Variants in PLXDC2 observed in about 807,000 individuals in gnomAD.
The protein encoded by PLXDC2 is plexin domain-containing protein 2.
A neutral mutation model predicts 68.9 loss-of-function variants in PLXDC2; 40 were observed. The ratio of observed to expected loss-of-function variants is 0.58; its 90% confidence interval spans 0.45 to 0.76. PLXDC2 has a LOEUF of 0.76. Among genes scored for constraint, PLXDC2 ranks in the 30% least tolerant of loss-of-function variants. PLXDC2 has a pLI of 0.00. For synonymous variants in PLXDC2, 243 were observed against 234.2 expected (o/e 1.04, Z -0.34); for missense variants, 644 against 661.9 (o/e 0.97, Z 0.30).
At chr10:19,884,112 G>A (rs1837795189) in intron 1 of PLXDC2, among the ~76,000 whole-genome samples, 2 of 150,938 alleles carry the variant, frequency 1.3e-5, no homozygotes, top group South Asian at 4.2e-4. Context: ...GGCCAGGCTG[G>A]TTTCAAACTC....
chr10:19,980,172 C>T (rs967191200), intron 1 of PLXDC2, among the ~76,000 whole-genome samples: 2 of 152,028 alleles, frequency 1.3e-5, no homozygotes, highest in Admixed American at 1.3e-4. Context: ...TTTTTAATAG[C>T]AAGATGTTCT....
intron 3 of PLXDC2, 49 bp from the exon 4 acceptor site, chr10:20,068,121 G>T (rs7911756): frequency 0.16 from 232,075 of 1,472,834 alleles, 26,979 homozygotes; most frequent in East Asian, 0.59. Context: ...ATTTCACATT[G>T]ACTATGCTAC....
intron 7 of PLXDC2, among the ~76,000 whole-genome samples, chr10:20,167,695 C>T (rs1834393098): frequency 6.6e-6 from 1 of 152,030 alleles, no homozygotes; most frequent in Non-Finnish European, 1.5e-5. Context: ...TTCTATTAAT[C>T]ATTTTAGTTA....
chr10:19,949,138 A>AAG (rs1327934055), intron 1 of PLXDC2, among the ~76,000 whole-genome samples: 1 of 151,462 alleles, frequency 6.6e-6, no homozygotes, highest in Non-Finnish European at 1.5e-5. Flanking sequence ...AAAAAAAAAA[A>AAG]AAAAAAAAAG....
intron 1 of PLXDC2, among the ~76,000 whole-genome samples, chr10:19,828,977 CCT>C (rs774435693): frequency 3.3e-5 from 5 of 152,040 alleles, no homozygotes; most frequent in Non-Finnish European, 7.4e-5. Context: ...CTGTGTCCCT[CCT>C]CTGTTGGAAC....
chr10:20,149,229 C>CCTT (rs1834120053), intron 6 of PLXDC2, among the ~76,000 whole-genome samples: 26 of 34,922 alleles, frequency 7.4e-4, no homozygotes, highest in African/African-American at 3.1e-3. Context: ...TTTTTCTTTT[C>CCTT]TTTTTTTTTT....
intron 13 of PLXDC2, among the ~76,000 whole-genome samples, chr10:20,249,016 GTTTAA>G (rs370672591): frequency 1.0e-3 from 157 of 152,288 alleles, no homozygotes; most frequent in African/African-American, 3.6e-3. Context: ...ACTATTAATA[GTTTAA>G]TTTATTTTCT....
In PLXDC2 at chr10:19,816,994, T is replaced by G. The variant is rs1327229768; in HGVS notation, c.-86T>G. On this transcript the variant is annotated 5_prime_UTR_variant, in exon 1 of 14. Coordinates refer to ENST00000377252, the MANE Select transcript of PLXDC2 (RefSeq NM_032812.9). ...GTCCTACCGAGACCGATCCGCAGCG[T>G]TTGGCCCGGTCGTGCCTATTGCATC... The G allele has an allele frequency of 5.7e-5, 56 of 974,122 alleles. No homozygotes were observed. The highest frequency in any genetic ancestry group is 7.8e-5 in the Non-Finnish European group (50 of 642,358). The allele number at this position is 974,122 out of a possible 1,614,324, so 60.3% of individuals were successfully genotyped here.
At chr10:20,120,076 A>T (rs1470907774) in intron 4 of PLXDC2, among the ~76,000 whole-genome samples, 5 of 152,128 alleles carry the variant, frequency 3.3e-5, no homozygotes, top group Non-Finnish European at 7.3e-5. Flanking sequence ...TTGGAGAAAC[A>T]GTGTAAACCG....
intron 4 of PLXDC2, among the ~76,000 whole-genome samples, chr10:20,127,466 A>C (rs1022719268): frequency 6.6e-6 from 1 of 152,186 alleles, no homozygotes; most frequent in African/African-American, 2.4e-5. Flanking sequence ...AGGATCTGAA[A>C]GGGATATTCT....
Position 20,182,469 on chromosome 10 carries a change from A to G in PLXDC2, c.1061+5060A>G, listed in dbSNP as rs143731270. On this transcript the variant is annotated intron_variant, in intron 9 of 13. Transcript: ENST00000377252. ...CCTTTTAATAGCTGAGTGAGTGAAT[A>G]CACAACAATTTATTTACTATTTGCC... is the stretch of plus-strand genomic sequence containing the variant. Among the ~76,000 whole-genome samples, 1,152 of 152,130 alleles carry G rather than the reference A, an allele frequency of 7.6e-3. 13 individuals carry two copies. The highest frequency in any genetic ancestry group is 0.026 in the African/African-American group (1,092 of 41,542).
At chr10:19,951,999 AG>A (rs1227602850) in intron 1 of PLXDC2, among the ~76,000 whole-genome samples, 2 of 152,016 alleles carry the variant, frequency 1.3e-5, no homozygotes, top group African/African-American at 4.8e-5. Context: ...CTACACGGTG[AG>A]GGGGGAAGGA....
intron 1 of PLXDC2, among the ~76,000 whole-genome samples, chr10:19,916,186 T>A (rs1307824622): frequency 6.7e-6 from 1 of 149,212 alleles, no homozygotes; most frequent in Non-Finnish European, 1.5e-5. Flanking sequence ...TGGAGTACAG[T>A]GACAGGATCA....
At chr10:19,926,616 C>G (rs747703802) in intron 1 of PLXDC2, among the ~76,000 whole-genome samples, 4 of 151,994 alleles carry the variant, frequency 2.6e-5, no homozygotes, top group Non-Finnish European at 4.4e-5. Context: ...CCATTTTTTC[C>G]CATTGTTCTC....
chr10:19,850,201 T>C (rs1837087642), intron 1 of PLXDC2, among the ~76,000 whole-genome samples: 1 of 152,092 alleles, frequency 6.6e-6, no homozygotes, highest in African/African-American at 2.4e-5. Flanking sequence ...TACATGTCAA[T>C]TTCCTTGTCC....
At chr10:20,267,095 C>A (rs1195311409) in intron 13 of PLXDC2, among the ~76,000 whole-genome samples, 1 of 152,178 alleles carries the variant, frequency 6.6e-6, no homozygotes, top group Non-Finnish European at 1.5e-5. Flanking sequence ...CTTTAAATTA[C>A]AACATTGATT....
intron 4 of PLXDC2, among the ~76,000 whole-genome samples, chr10:20,103,580 C>T (rs1318454018): frequency 8.8e-5 from 8 of 91,378 alleles, no homozygotes; most frequent in East Asian, 7.5e-4. Context: ...GGGTTAAAGG[C>T]GGTTTGTGTG....
At chr10:20,122,206 G>C (rs1435839750) in intron 4 of PLXDC2, among the ~76,000 whole-genome samples, 4 of 152,184 alleles carry the variant, frequency 2.6e-5, no homozygotes, top group African/African-American at 9.7e-5. Context: ...ATTGGCACCA[G>C]ATTTGGGGAG....
rs113122905 is a variant in PLXDC2 at position 19,866,416 on chromosome 10, G to C, written c.112+49225G>C. Among the ~76,000 whole-genome samples, 8 of 152,158 alleles carry C rather than the reference G, an allele frequency of 5.3e-5. No homozygotes were observed. The East Asian group carries it at 1.5e-3, about 29-fold the overall frequency. ...GTTGCATTTCTCTGATCTTTCTTCC[G>C]TGGGACACCGCTGGCTAAATCTCCT... is the stretch of plus-strand genomic sequence containing the variant. On this transcript the variant is annotated intron_variant, in intron 1 of 13. Coordinates refer to ENST00000377252, the MANE Select transcript of PLXDC2 (RefSeq NM_032812.9).
Sources: allele counts gnomAD v4.1 joint callset (sites outside exome capture counted in the v4.1 genomes callset), GRCh38; gene constraint gnomAD v4.1.1; transcripts MANE v1.5; gene names NCBI Gene and HGNC (gene_info 2026-07-23, HGNC 2026-07-21).